Variants in PARD3B observed in about 807,000 individuals in gnomAD.
PARD3B encodes the protein partitioning defective 3 homolog B.
Under a neutral mutation model 130.2 loss-of-function variants are expected in PARD3B, and 103 were observed. The ratio of observed to expected loss-of-function variants is 0.79; its 90% CI spans 0.67 to 0.93. The LOEUF is 0.93. PARD3B is among the 40% of genes least tolerant of loss of function. The pLI is 0.00. For missense variants in PARD3B, 1,609 were observed against 1,499.2 expected, an observed-to-expected ratio of 1.07 and a Z score of -1.21; for synonymous variants, 583 against 553.2, an observed-to-expected ratio of 1.05 and a Z score of -0.76.
Position 205,287,199 on chromosome 2 carries a change from T to C in PARD3B, c.2186-13331T>C, listed in dbSNP as rs1369241216. Among the ~76,000 whole-genome samples the C allele has an allele frequency of 6.6e-6, 1 of 152,186 alleles. No homozygotes were observed. The highest frequency in any genetic ancestry group is 1.9e-4 in the East Asian group (1 of 5,188). ...TGAGCAGAAACAACTGGTGGTAACA[T>C]GGATTGTTATGTGGATGAGAGATTG... is the stretch of plus-strand genomic sequence containing the variant. On this transcript the variant is annotated intron_variant, in intron 16 of 22. Transcript: ENST00000406610. This position sits in a 1 kb window ranked among gnomAD's most constrained non-coding sequence, Gnocchi z 4.8.
At chr2:205,186,865 G>A (rs893637231) in intron 14 of PARD3B, among the ~76,000 whole-genome samples, 4 of 152,080 alleles carry the variant, frequency 2.6e-5, no homozygotes, top group African/African-American at 7.2e-5. Context: ...TGCCTGCCTC[G>A]ATTCTGAATT....
intron 2 of PARD3B, among the ~76,000 whole-genome samples, chr2:204,894,916 A>T (rs891733214): frequency 6.6e-6 from 1 of 152,114 alleles, no homozygotes; most frequent in South Asian, 2.1e-4. Flanking sequence ...AATAAACTTG[A>T]TTAGAAGAAA....
intron 3 of PARD3B, among the ~76,000 whole-genome samples, chr2:205,036,193 T>A (rs1207224800): frequency 3.4e-5 from 5 of 146,246 alleles, no homozygotes; most frequent in African/African-American, 9.9e-5. Flanking sequence ...ACAAAATAAG[T>A]ATATAGTGGA....
At chr2:205,343,662 A>G (rs1291105584) in intron 18 of PARD3B, among the ~76,000 whole-genome samples, 1 of 152,186 alleles carries the variant, frequency 6.6e-6, no homozygotes, top group East Asian at 1.9e-4. Flanking sequence ...CATTTCTTAT[A>G]AAAGCACAGT....
intron 22 of PARD3B, among the ~76,000 whole-genome samples, chr2:205,580,688 T>A (rs1056978061): frequency 2.0e-5 from 3 of 152,228 alleles, no homozygotes; most frequent in African/African-American, 7.2e-5. Flanking sequence ...AGAATTGAAC[T>A]TGGAAACATG....
intron 19 of PARD3B, among the ~76,000 whole-genome samples, chr2:205,438,655 C>A (rs1267503185): frequency 6.6e-6 from 1 of 152,062 alleles, no homozygotes; most frequent in Non-Finnish European, 1.5e-5. Flanking sequence ...TTACTTAAAA[C>A]AAGCATCCAT....
At chr2:205,416,762 C>G (rs1009786541) in intron 19 of PARD3B, among the ~76,000 whole-genome samples, 5 of 151,824 alleles carry the variant, frequency 3.3e-5, no homozygotes, top group African/African-American at 4.8e-5. Flanking sequence ...GTAATAGATG[C>G]TAAGGACTCA....
chr2:204,761,277 A>G (rs1355790517), intron 2 of PARD3B, among the ~76,000 whole-genome samples: 1 of 152,194 alleles, frequency 6.6e-6, no homozygotes, highest in African/African-American at 2.4e-5. Flanking sequence ...AGCTTCATTA[A>G]GGTTCAGTAA....
In PARD3B at chr2:205,564,693, C is replaced by G; in HGVS notation, c.3260+11290C>G. Reference sequence around the variant, plus strand: ...TTGGCAGTCAGTTACTATGGTGGTGCCACCCGAGCCCATCTGTGCCCTGGA... The same window carrying G: ...TTGGCAGTCAGTTACTATGGTGGTGGCACCCGAGCCCATCTGTGCCCTGGA... On this transcript the variant is annotated intron_variant, in intron 22 of 22. Transcript: ENST00000406610. This position sits in a 1 kb window ranked among gnomAD's most constrained non-coding sequence, Gnocchi z 4.6. Among the ~76,000 whole-genome samples the G allele has an allele frequency of 6.6e-6, 1 of 152,168 alleles. No homozygotes were observed. Among genetic ancestry groups the G allele is most frequent in the East Asian group, 1.9e-4 (1 of 5,184 alleles).
intron 2 of PARD3B, among the ~76,000 whole-genome samples, chr2:204,947,199 T>C (rs1295298346): frequency 6.6e-6 from 1 of 152,198 alleles, no homozygotes; most frequent in African/African-American, 2.4e-5. Flanking sequence ...ATATGTATTT[T>C]GCTAGTGATG....
intron 2 of PARD3B, among the ~76,000 whole-genome samples, chr2:204,798,427 C>CG (rs35919701): frequency 6.6e-6 from 1 of 152,156 alleles, no homozygotes; most frequent in Non-Finnish European, 1.5e-5. Context: ...TAAAGCACTC[C>CG]GGGGTTCTAA....
At chr2:204,569,704 A>C (rs1380894584) in intron 1 of PARD3B, among the ~76,000 whole-genome samples, 1 of 152,204 alleles carries the variant, frequency 6.6e-6, no homozygotes, top group African/African-American at 2.4e-5. Flanking sequence ...CAACATTATG[A>C]AGTATGAAAT....
chr2:205,411,824 G>A (rs2046609447), intron 19 of PARD3B, among the ~76,000 whole-genome samples: 1 of 152,112 alleles, frequency 6.6e-6, no homozygotes, highest in African/African-American at 2.4e-5. Flanking sequence ...GCATGAGATG[G>A]CAGCACAGTA....
At chr2:204,564,158 A>G (rs762913533) in intron 1 of PARD3B, among the ~76,000 whole-genome samples, 3 of 152,176 alleles carry the variant, frequency 2.0e-5, no homozygotes, top group Non-Finnish European at 2.9e-5. Context: ...ACGTTCTTTT[A>G]CAGGTGGCAG....
At chr2:205,071,907 G>T (rs558452021) in intron 4 of PARD3B, among the ~76,000 whole-genome samples, 1 of 151,936 alleles carries the variant, frequency 6.6e-6, no homozygotes, top group African/African-American at 2.4e-5. Context: ...CAAAACACTG[G>T]TCATTACATT....
chr2:204,610,115 G>A lies in PARD3B; in HGVS notation c.120+63996G>A, dbSNP rs1392118424. Among the ~76,000 whole-genome samples, 1 of 152,016 alleles carries A rather than the reference G, an allele frequency of 6.6e-6. No individual in the cohort carries two copies. Among genetic ancestry groups the A allele is most frequent in the Non-Finnish European group, 1.5e-5 (1 of 67,992 alleles). On this transcript the variant is annotated intron_variant, in intron 1 of 22. Coordinates refer to ENST00000406610, the MANE Select transcript of PARD3B (RefSeq NM_001302769.2). This position sits in a 1 kb window ranked among gnomAD's most constrained non-coding sequence, Gnocchi z 4.1. ...GGCCAGTTATGCCTAAACTCCCAGA[G>A]AGAAGAGGTTTAAGGAGGTTTGTCC...
rs542310242 is a variant in PARD3B at position 205,137,018 on chromosome 2, C to G, written c.1434+11281C>G. On this transcript the variant is annotated intron_variant, in intron 10 of 22. Coordinates refer to ENST00000406610, the MANE Select transcript of PARD3B (RefSeq NM_001302769.2). ...TGTACTAAAACATGATTCTTTAACTCCAGGAGTTCATAGATAATGCTAAGT... is the reference window on the plus strand; with the variant it reads ...TGTACTAAAACATGATTCTTTAACTGCAGGAGTTCATAGATAATGCTAAGT... Among the ~76,000 whole-genome samples, 18 of 152,160 alleles carry G rather than the reference C, an allele frequency of 1.2e-4. No homozygotes were observed. The East Asian group carries it at 3.5e-3, about 29-fold the overall frequency.
At chr2:205,070,319 A>G (rs990878371) in intron 4 of PARD3B, among the ~76,000 whole-genome samples, 1 of 152,002 alleles carries the variant, frequency 6.6e-6, no homozygotes, top group Non-Finnish European at 1.5e-5. Flanking sequence ...CTTAATCCAC[A>G]TTAGAATTTC....
At chr2:205,030,926 C>T (rs768344116) in intron 3 of PARD3B, among the ~76,000 whole-genome samples, 1 of 152,090 alleles carries the variant, frequency 6.6e-6, no homozygotes, top group Non-Finnish European at 1.5e-5. Flanking sequence ...CCAACATTTG[C>T]TCAGTAATGT....
Sources: gnomAD v4.1 joint callset for allele counts (sites outside exome capture counted in the v4.1 genomes callset) on GRCh38, gnomAD v4.1.1 for gene constraint, Gnocchi (gnomAD v3.1) non-coding constraint, MANE v1.5 for transcripts, NCBI Gene and HGNC (gene_info 2026-07-23, HGNC 2026-07-21) for gene names.